CATSPERB: variants seen among roughly 807,000 people sequenced by gnomAD.
The protein encoded by CATSPERB is cation channel sperm-associated auxiliary subunit beta.
Under a neutral mutation model 128.3 loss-of-function variants are expected in CATSPERB, and 93 were observed. The observed-to-expected ratio is 0.72, with a 90% CI of 0.61 to 0.86. The LOEUF (loss-of-function observed/expected upper bound fraction) is 0.86, where lower values mean the gene tolerates loss of function less well. Among genes scored for constraint, CATSPERB ranks in the 40% least tolerant of loss-of-function variants. The pLI is 0.00. For missense variants in CATSPERB, 1,153 were observed against 1,329.5 expected (o/e 0.87, Z 2.06); for synonymous variants, 381 against 448.8 (o/e 0.85, Z 1.91).
intron 15 of CATSPERB, among the ~76,000 whole-genome samples, chr14:91,640,237 T>C (rs999386260): frequency 1.4e-5 from 2 of 143,748 alleles, no homozygotes; most frequent in African/African-American, 2.6e-5. Flanking sequence ...TCAATGTCAT[T>C]CTTTTTATTT....
intron 6 of CATSPERB, among the ~76,000 whole-genome samples, chr14:91,705,053 C>T (rs1895713048): frequency 6.6e-6 from 1 of 152,072 alleles, no homozygotes; most frequent in African/African-American, 2.4e-5. Context: ...CTTCTGAGCC[C>T]ACTCATTTAC....
intron 22 of CATSPERB, among the ~76,000 whole-genome samples, chr14:91,596,446 G>T (rs892583065): frequency 6.6e-6 from 1 of 151,948 alleles, no homozygotes; most frequent in Non-Finnish European, 1.5e-5. Context: ...CTTGTGATCC[G>T]CCCACCTTGG....
At chr14:91,587,477 CTT>C (rs3029803) in intron 25 of CATSPERB, among the ~76,000 whole-genome samples, 22 of 101,542 alleles carry the variant, frequency 2.2e-4, no homozygotes, top group Middle Eastern at 5.3e-3. Flanking sequence ...ATAGCTGATA[CTT>C]TTTTTTTTTT....
intron 17 of CATSPERB, among the ~76,000 whole-genome samples, chr14:91,634,916 C>A (rs1053034939): frequency 1.3e-5 from 2 of 151,380 alleles, no homozygotes; most frequent in African/African-American, 4.9e-5. Context: ...TACCATAAAC[C>A]AGGTAGCCTA....
chr14:91,642,705 AG>A (rs1208109336), intron 15 of CATSPERB, among the ~76,000 whole-genome samples: 4 of 135,636 alleles, frequency 2.9e-5, no homozygotes, highest in African/African-American at 1.1e-4. Flanking sequence ...CTTTGGTATC[AG>A]AAGGATGCTG....
At chr14:91,587,377 G>T in intron 25 of CATSPERB, 101 bp from the exon 26 acceptor site, 1 of 675,984 alleles carries the variant, frequency 1.5e-6, no homozygotes, top group African/African-American at 1.9e-5. Flanking sequence ...TATAGATGCT[G>T]CATGAAAAGA....
intron 26 of CATSPERB, among the ~76,000 whole-genome samples, chr14:91,582,517 G>A (rs1302575760): frequency 3.3e-5 from 5 of 152,174 alleles, no homozygotes; most frequent in Admixed American, 2.0e-4. Flanking sequence ...TCCACATACC[G>A]AATTCAGAAC....
At chr14:91,603,454 G>A in intron 22 of CATSPERB, 12 of 1,479,134 alleles carry the variant, frequency 8.1e-6, no homozygotes, top group African/African-American at 4.2e-5. Context: ...TATACCAGAT[G>A]AGTGGGCAAA....
intron 13 of CATSPERB, among the ~76,000 whole-genome samples, 174 bp from the exon 14 acceptor site, chr14:91,670,146 C>T (rs1895062454): frequency 6.6e-6 from 1 of 152,244 alleles, no homozygotes; most frequent in South Asian, 2.1e-4. Flanking sequence ...CCCTGCCACA[C>T]ACCCATCTTA....
At position 91,681,085 on chromosome 14, in the gene CATSPERB, G is replaced by A. The variant is rs147920507; in HGVS notation, c.931+2792C>T. The stretch of plus-strand genomic sequence containing the variant: ...GGAGTCATATGTTATATGCATGTTC[G>A]TTCAATATGCATGTGTCAGGACCAC... On this transcript the variant is annotated intron_variant, in intron 11 of 26. Coordinates refer to ENST00000256343, the MANE Select transcript of CATSPERB (RefSeq NM_024764.4). 1.2e-4 allele frequency among the ~76,000 whole-genome samples: 19 copies of A among 152,232 alleles called. No individual in the cohort carries two copies. In the East Asian group the frequency reaches 1.9e-3, roughly 15 times the overall value.
chr14:91,639,000 A>C (rs1595158787), intron 16 of CATSPERB, 96 bp downstream of exon 16: 3 of 1,126,314 alleles, frequency 2.7e-6, no homozygotes, highest in Non-Finnish European at 1.3e-6. Context: ...GTTTGTCCCA[A>C]GGAAAATACT....
At position 91,631,116 on chromosome 14, in the gene CATSPERB, T is replaced by C. The variant is rs184605754; in HGVS notation, c.1742+5309A>G. ...CTTTCTTCAAAGCACATGTTAGATA[T>C]GAATTTGTTTTGGTTTACCTGTTTA... On this transcript the variant is annotated intron_variant, in intron 17 of 26. Coordinates refer to ENST00000256343, the MANE Select transcript of CATSPERB (RefSeq NM_024764.4). Among the ~76,000 whole-genome samples the C allele has an allele frequency of 1.1e-3, 160 of 152,360 alleles. 2 individuals are homozygous for C. Among genetic ancestry groups the C allele is most frequent in the African/African-American group, 3.5e-3 (146 of 41,584 alleles).
At chr14:91,601,852 C>G (rs1893612470) in intron 22 of CATSPERB, among the ~76,000 whole-genome samples, 1 of 151,842 alleles carries the variant, frequency 6.6e-6, no homozygotes, top group Non-Finnish European at 1.5e-5. Context: ...TCAAAATGAC[C>G]TGAGTTCATT....
chr14:91,621,427 G>C (rs1735144049), intron 19 of CATSPERB, among the ~76,000 whole-genome samples, 181 bp downstream of exon 19: 1 of 151,984 alleles, frequency 6.6e-6, no homozygotes, highest in African/African-American at 2.4e-5. Context: ...TAAAATAATA[G>C]TTTAATATAG....
At chr14:91,702,074 A>G (rs1190485844) in intron 7 of CATSPERB, among the ~76,000 whole-genome samples, 1 of 152,082 alleles carries the variant, frequency 6.6e-6, no homozygotes, top group Non-Finnish European at 1.5e-5. Flanking sequence ...AGGTGGCCTC[A>G]TGAGTGTGAT....
chr14:91,723,227 C>A (rs1896064400), intron 3 of CATSPERB, 38 bp from the exon 4 acceptor site: 4 of 1,404,004 alleles, frequency 2.8e-6, no homozygotes, highest in Non-Finnish European at 3.7e-6. Context: ...AACTAATAAC[C>A]ACTTGATGCA....
chr14:91,669,309 C>T (rs541704576), intron 14 of CATSPERB, among the ~76,000 whole-genome samples: 21 of 150,586 alleles, frequency 1.4e-4, no homozygotes, highest in African/African-American at 4.6e-4. Flanking sequence ...TTAAAACTGT[C>T]AGATGCTCCA....
At chr14:91,709,834 G>T (rs1895806672) in intron 5 of CATSPERB, 1 of 152,144 alleles carries the variant, frequency 6.6e-6, no homozygotes, top group Non-Finnish European at 1.5e-5. Flanking sequence ...AAAATTATGT[G>T]TTTGAGTCTT....
chr14:91,724,984 T>C, intron 3 of CATSPERB, 96 bp downstream of exon 3: 2 of 486,374 alleles, frequency 4.1e-6, no homozygotes, highest in Non-Finnish European at 7.1e-6. Context: ...CTGAACATAG[T>C]AGAGGGTATT....
Sources: gnomAD v4.1 joint callset for allele counts (sites outside exome capture counted in the v4.1 genomes callset) on GRCh38, gnomAD v4.1.1 for gene constraint, MANE v1.5 for transcripts, NCBI Gene and HGNC (gene_info 2026-07-23, HGNC 2026-07-21) for gene names.